Variants in CIITA observed in about 807,000 individuals in gnomAD.
CIITA encodes MHC class II transactivator.
A neutral mutation model predicts 115.1 loss-of-function variants in CIITA; 72 were observed. The observed-to-expected ratio is 0.63, with a 90% CI of 0.52 to 0.76. The LOEUF (loss-of-function observed/expected upper bound fraction) is 0.76, where lower values mean the gene tolerates loss of function less well. Ranked by LOEUF, CIITA falls within the 30% of genes least tolerant of loss-of-function variation. The probability of loss-of-function intolerance (pLI) is 0.00; values close to 1 mark genes in which losing one functional copy is unlikely to be tolerated. For synonymous variants in CIITA, 763 were observed against 635.6 expected (o/e 1.20, Z -3.02); for missense variants, 1,617 against 1,463.8 (o/e 1.10, Z -1.71).
intron 13 of CIITA, among the ~76,000 whole-genome samples, chr16:10,914,419 G>A (rs1025447805): frequency 7.2e-5 from 11 of 152,020 alleles, no homozygotes; most frequent in African/African-American, 2.4e-4. Context: ...GACCGTGCGC[G>A]GTTACTGTTT....
chr16:10,867,767 CT>C (rs1567343748), intron 1 of CIITA, among the ~76,000 whole-genome samples: 1 of 152,134 alleles, frequency 6.6e-6, no homozygotes, highest in African/African-American at 2.4e-5. Context: ...AACTTTCTTT[CT>C]TTTTTTGAGA....
intron 11 of CIITA, 130 bp downstream of exon 11, chr16:10,908,279 T>G: frequency 9.3e-6 from 10 of 1,079,638 alleles, no homozygotes; most frequent in Non-Finnish European, 1.4e-5. Flanking sequence ...ATGGATTCTC[T>G]CCATTTTTAA....
At position 10,889,745 on chromosome 16, in the gene CIITA, C is replaced by T. The variant is rs575840759; in HGVS notation, c.53-5537C>T. ...TGTTGCCCGGGCTGGTCTCAAACTCCTGACCTCAAGTGATCTGCCTGCCTC... is the reference window on the plus strand; with the variant it reads ...TGTTGCCCGGGCTGGTCTCAAACTCTTGACCTCAAGTGATCTGCCTGCCTC... On this transcript the variant is annotated intron_variant, in intron 1 of 19. Transcript: ENST00000324288. Among the ~76,000 whole-genome samples the T allele has an allele frequency of 2.0e-5, 3 of 152,290 alleles. No homozygotes were observed. The East Asian group carries it at 5.8e-4, about 29-fold the overall frequency.
chr16:10,908,278 C>G (rs1159180476), intron 11 of CIITA, 129 bp downstream of exon 11: 2 of 1,080,444 alleles, frequency 1.9e-6, no homozygotes, highest in Admixed American at 4.0e-5. Context: ...AATGGATTCT[C>G]TCCATTTTTA....
chr16:10,910,603 G>A (rs1358084466), intron 13 of CIITA, among the ~76,000 whole-genome samples: 2 of 152,210 alleles, frequency 1.3e-5, no homozygotes, highest in African/African-American at 4.8e-5. Context: ...CCTGGAGGAG[G>A]TGATATCTGC....
downstream of CIITA, chr16:10,940,239 G>A (rs2041083845): frequency 6.6e-6 from 1 of 152,226 alleles, no homozygotes; most frequent in African/African-American, 2.4e-5. The surrounding 1 kb of genome is among the most constrained non-coding windows in gnomAD (Gnocchi z 4.2). Context: ...GTATTGCGGG[G>A]TGCGGCCTTA....
chr16:10,895,202 G>T, intron 1 of CIITA, 80 bp from the exon 2 acceptor site: 1 of 1,549,628 alleles, frequency 6.5e-7, no homozygotes. Flanking sequence ...GCCCTCACCA[G>T]CTGGGAGTTG....
upstream of CIITA, among the ~76,000 whole-genome samples, chr16:10,874,818 G>T (rs935259478): frequency 2.6e-5 from 4 of 152,200 alleles, no homozygotes; most frequent in African/African-American, 9.7e-5. Context: ...TTGGCCATCG[G>T]TCTGAGGGTG....
intron 9 of CIITA, among the ~76,000 whole-genome samples, chr16:10,904,201 G>T (rs1294401815): frequency 6.6e-6 from 1 of 152,092 alleles, no homozygotes; most frequent in Non-Finnish European, 1.5e-5. Flanking sequence ...CATAGATATT[G>T]TGATTTTTTA....
chr16:10,887,536 C>T lies in CIITA; in HGVS notation c.53-7746C>T, dbSNP rs184359745. On this transcript the variant is annotated intron_variant, in intron 1 of 19. Transcript: ENST00000324288. Reference sequence around the variant, plus strand: ...TCTGAGACAGAGTCTTGCTCTGTCACCGAGGCTGGAGTGCAGTGGCGTGAT... The same window carrying T: ...TCTGAGACAGAGTCTTGCTCTGTCATCGAGGCTGGAGTGCAGTGGCGTGAT... 4.0e-3 allele frequency among the ~76,000 whole-genome samples: 612 copies of T among 151,680 alleles called. 8 individuals carry two copies. Among genetic ancestry groups the T allele is most frequent in the African/African-American group, 0.014 (581 of 41,336 alleles).
At position 10,895,755 on chromosome 16, in the gene CIITA, G is replaced by A. The variant is rs149253747; in HGVS notation, c.286G>A (p.Ala96Thr). 5.3e-4 allele frequency: 848 copies of A among 1,613,970 alleles called. 2 individuals carry two copies. The highest frequency in any genetic ancestry group is 6.5e-4 in the Non-Finnish European group (765 of 1,180,006). Residue 96 changes from alanine (A) to threonine (T), a missense_variant, in exon 3 of 20, where the codon GCC (alanine) becomes ACC (threonine). Physicochemically the swap from Ala to Thr is moderately conservative, Grantham distance 58. Coordinates refer to ENST00000324288, the MANE Select transcript of CIITA (RefSeq NM_000246.4). Reference protein sequence around the residue: ...EGDEETREAYANIAELDQYVF... With the variant: ...EGDEETREAYTNIAELDQYVF... The stretch of plus-strand genomic sequence containing the variant: ...TGATGAAGAGACCAGGGAGGCTTAT[G>A]CCAATATCGGTGAGGAAGCACCTGA...
In CIITA at chr16:10,902,164, A is replaced by G; in HGVS notation, c.608A>G (p.Glu203Gly). 6.2e-7 allele frequency: 1 copy of G among 1,614,122 alleles called. No individual in the cohort carries two copies. Among genetic ancestry groups the G allele is most frequent in the South Asian group, 1.1e-5 (1 of 91,088 alleles). Residue 203 changes from glutamate to glycine, a missense_variant, in exon 7 of 20, where the codon GAG (glutamate) becomes GGG (glycine). Physicochemically the swap from Glu to Gly is moderately conservative, Grantham distance 98. Coordinates refer to ENST00000324288, the MANE Select transcript of CIITA (RefSeq NM_000246.4). ...CCAGCCTCCGGCCAGATGCGCCTGG[A>G]GAAAACCGACCAGATTCCCAGTATG... ...QEPASGQMRL[E>G]KTDQIPMPFS...
chr16:10,904,037 T>C, intron 9 of CIITA, 142 bp downstream of exon 9: 2 of 1,096,368 alleles, frequency 1.8e-6, no homozygotes, highest in Non-Finnish European at 2.7e-6. Flanking sequence ...ACAGGGAGGG[T>C]CTCCAGGGAG....
At chr16:10,912,113 T>C (rs543535292) in intron 13 of CIITA, among the ~76,000 whole-genome samples, 183 of 152,212 alleles carry the variant, frequency 1.2e-3, no homozygotes, top group African/African-American at 4.2e-3. Flanking sequence ...CTGTGGTATA[T>C]TCGGTGCTGT....
chr16:10,917,481 ATTTT>A (rs36011152), intron 15 of CIITA, among the ~76,000 whole-genome samples: 2 of 132,820 alleles, frequency 1.5e-5, no homozygotes, highest in Non-Finnish European at 3.2e-5. Context: ...GTTCAATGGG[ATTTT>A]TTTTTTTTTT....
intron 1 of CIITA, among the ~76,000 whole-genome samples, chr16:10,890,152 G>T (rs1230805826): frequency 6.6e-6 from 1 of 152,064 alleles, no homozygotes; most frequent in Non-Finnish European, 1.5e-5. Flanking sequence ...TCTGGGAGGG[G>T]GTTTCTTCTT....
rs760208683 is a variant in CIITA, at chr16:10,904,732, C to T, written c.938-12C>T. The T allele has an allele frequency of 6.2e-7, 1 of 1,614,022 alleles. No homozygotes were observed. Among genetic ancestry groups the T allele is most frequent in the Non-Finnish European group, 8.5e-7 (1 of 1,180,000 alleles). On this transcript the variant is annotated splice_polypyrimidine_tract_variant and intron_variant, in intron 9 of 19. Coordinates refer to ENST00000324288, the MANE Select transcript of CIITA (RefSeq NM_000246.4). Reference sequence around the variant, plus strand: ...CTCACCCTAAATCTGGCACCTGCTTCTCCATCTCCAGAGCACAAGACGTCC... The same window carrying T: ...CTCACCCTAAATCTGGCACCTGCTTTTCCATCTCCAGAGCACAAGACGTCC...
intron 4 of CIITA, 57 bp from the exon 5 acceptor site, chr16:10,898,868 A>G (rs2038415170): frequency 1.2e-6 from 2 of 1,601,282 alleles, no homozygotes; most frequent in South Asian, 1.1e-5. Context: ...TACAATAGAG[A>G]CTCACCTTGG....
chr16:10,897,947 A>G (rs993684583), intron 3 of CIITA, among the ~76,000 whole-genome samples: 2 of 152,088 alleles, frequency 1.3e-5, no homozygotes, highest in Non-Finnish European at 2.9e-5. Context: ...ACCGTCACCT[A>G]TCTCTCAGGG....
Sources: allele counts gnomAD v4.1 joint callset (sites outside exome capture counted in the v4.1 genomes callset), GRCh38; gene constraint gnomAD v4.1.1; non-coding constraint Gnocchi (gnomAD v3.1); transcripts MANE v1.5; gene names NCBI Gene and HGNC (gene_info 2026-07-23, HGNC 2026-07-21).